TF: variants seen among roughly 807,000 people sequenced by gnomAD.
TF encodes the protein transferrin.
TF carries 55 observed loss-of-function variants against 82.4 expected under a neutral mutation model. The observed-to-expected ratio is 0.67, with a 90% CI of 0.54 to 0.84. TF has a LOEUF of 0.84. TF is among the 40% of genes least tolerant of loss of function. The probability of loss-of-function intolerance (pLI) is 0.00; values close to 1 mark genes in which losing one functional copy is unlikely to be tolerated. For synonymous variants in TF, 332 were observed against 332.6 expected, an observed-to-expected ratio of 1.00 and a Z score of 0.02; for missense variants, 737 against 868.4, an observed-to-expected ratio of 0.85 and a Z score of 1.90.
the TF span, among the ~76,000 whole-genome samples, chr3:133,705,056 C>T: frequency 5.9e-4 from 90 of 152,270 alleles, no homozygotes; most frequent in African/African-American, 2.0e-3. Flanking sequence ...GGGTGGATCA[C>T]GTGAGGTCAG....
At chr3:133,718,379 C>G in the TF span, among the ~76,000 whole-genome samples, 1 of 152,044 alleles carries the variant, frequency 6.6e-6, no homozygotes, top group African/African-American at 2.4e-5. Context: ...TCCTCTGTAC[C>G]TGGACGGCAG....
upstream of TF, chr3:133,746,069 C>G (rs8177316): frequency 0.026 from 10,870 of 411,450 alleles, 204 homozygotes; most frequent in Non-Finnish European, 0.038. Flanking sequence ...GTGGCACGGA[C>G]CAGCTCTGCA....
chr3:133,788,137 T>G lies in TF; in HGVS notation c.*9517T>G, dbSNP rs1201705258. ...AGGCAGGAAACATAAAGCAGATTCA[T>G]GCAGACTTCCTAGAAATAAATGAAA... On this transcript the variant is annotated 3_prime_UTR_variant, in exon 17 of 17. Coordinates refer to ENST00000402696, the MANE Select transcript of TF (RefSeq NM_001063.4). The G allele has an allele frequency of 5.9e-5, 9 of 152,354 alleles. No homozygotes were observed. Among genetic ancestry groups the G allele is most frequent in the African/African-American group, 1.9e-4 (8 of 41,460 alleles). 9.4% of individuals were successfully genotyped at this position (152,354 alleles called of 1,614,324 possible).
intron 14 of TF, chr3:133,773,563 A>G (rs1229687258): frequency 6.6e-6 from 1 of 152,056 alleles, no homozygotes; most frequent in African/African-American, 2.4e-5. Flanking sequence ...TTAGAAATGT[A>G]CCAATTTTGA....
chr3:133,671,144 C>T, the TF span, among the ~76,000 whole-genome samples: 1 of 152,204 alleles, frequency 6.6e-6, no homozygotes, highest in South Asian at 2.1e-4. Flanking sequence ...TGTAACAAAA[C>T]TTAATATCTT....
chr3:133,770,335 T>C (rs1934229338), intron 13 of TF, among the ~76,000 whole-genome samples, 173 bp from the exon 14 acceptor site: 1 of 152,244 alleles, frequency 6.6e-6, no homozygotes, highest in African/African-American at 2.4e-5. Flanking sequence ...CTACAATCAA[T>C]TCAGAGTGTT....
chr3:133,736,241 G>T, the TF span, among the ~76,000 whole-genome samples: 11 of 152,140 alleles, frequency 7.2e-5, no homozygotes, highest in Non-Finnish European at 2.9e-5. Context: ...ATCCTTTACA[G>T]ACAAGCAACT....
intron 9 of TF, 127 bp from the exon 10 acceptor site, chr3:133,764,055 G>A (rs1934063010): frequency 1.3e-6 from 1 of 786,666 alleles, no homozygotes; most frequent in Non-Finnish European, 2.3e-6. Flanking sequence ...TGGGGGTTCA[G>A]TATCAGCATC....
At chr3:133,665,220 A>G in the TF span, among the ~76,000 whole-genome samples, 4 of 152,284 alleles carry the variant, frequency 2.6e-5, no homozygotes, top group South Asian at 8.3e-4. Context: ...TAATCCTAGT[A>G]CTTTGGAAGG....
At chr3:133,713,029 G>A in the TF span, among the ~76,000 whole-genome samples, 3 of 152,212 alleles carry the variant, frequency 2.0e-5, no homozygotes, top group African/African-American at 7.2e-5. Flanking sequence ...AGGGCACCTA[G>A]GGAGAAGCAA....
At chr3:133,754,365 C>T (rs1576357385) in intron 3 of TF, 130 bp from the exon 4 acceptor site, 1 of 912,178 alleles carries the variant, frequency 1.1e-6, no homozygotes, top group South Asian at 1.4e-5. Context: ...CCTGATTCCC[C>T]ACTCCTTATC....
At chr3:133,725,041 C>G in the TF span, among the ~76,000 whole-genome samples, 4 of 152,156 alleles carry the variant, frequency 2.6e-5, no homozygotes, top group Non-Finnish European at 5.9e-5. Context: ...CAGTACCATG[C>G]TGTTTTGGTT....
At chr3:133,738,095 A>G in the TF span, among the ~76,000 whole-genome samples, 1 of 152,246 alleles carries the variant, frequency 6.6e-6, no homozygotes, top group Non-Finnish European at 1.5e-5. Flanking sequence ...CCAGCAGCAC[A>G]TCAAAAAGTT....
At chr3:133,765,056 T>C in intron 11 of TF, 149 bp downstream of exon 11, 6 of 804,828 alleles carry the variant, frequency 7.5e-6, no homozygotes, top group African/African-American at 1.7e-5. Flanking sequence ...TAATGGATAA[T>C]GATGGTTATC....
At chr3:133,775,373 C>A in intron 14 of TF, 60 bp from the exon 15 acceptor site, 1 of 1,575,430 alleles carries the variant, frequency 6.3e-7, no homozygotes, top group Non-Finnish European at 8.7e-7. Flanking sequence ...TCAGTTCCAT[C>A]TCCCCAGCGG....
chr3:133,690,014 G>T, the TF span, among the ~76,000 whole-genome samples: 2 of 151,918 alleles, frequency 1.3e-5, no homozygotes, highest in Non-Finnish European at 2.9e-5. Context: ...TGGACAACTA[G>T]GTAGCCATTC....
the TF span, chr3:133,691,686 A>G: frequency 6.5e-6 from 1 of 152,838 alleles, no homozygotes; most frequent in Non-Finnish European, 1.5e-5. Flanking sequence ...CTCAGAAGTG[A>G]TGGGCATCAT....
chr3:133,734,544 C>G, the TF span, among the ~76,000 whole-genome samples: 1 of 151,258 alleles, frequency 6.6e-6, no homozygotes, highest in East Asian at 1.9e-4. Context: ...CAGGAACTCA[C>G]GAGTCCATGC....
At chr3:133,681,398 G>A in the TF span, among the ~76,000 whole-genome samples, 4 of 152,210 alleles carry the variant, frequency 2.6e-5, no homozygotes, top group Non-Finnish European at 2.9e-5. Context: ...GAAGCAGGGT[G>A]AGACATCACC....
Sources: allele counts gnomAD v4.1 joint callset (sites outside exome capture counted in the v4.1 genomes callset), GRCh38; gene constraint gnomAD v4.1.1; transcripts MANE v1.5; gene names NCBI Gene and HGNC (gene_info 2026-07-23, HGNC 2026-07-21).